SLC4A7: variants seen among roughly 807,000 people sequenced by gnomAD.
SLC4A7 encodes the protein sodium bicarbonate cotransporter 3.
In SLC4A7, 51 loss-of-function variants were observed where a neutral mutation model predicts 137.6. The ratio of observed to expected loss-of-function variants is 0.37; its 90% CI spans 0.30 to 0.47. SLC4A7 has a LOEUF of 0.47. SLC4A7 is among the 20% of genes least tolerant of loss of function. The probability of loss-of-function intolerance (pLI) is 1.00; values close to 1 mark genes in which losing one functional copy is unlikely to be tolerated. For synonymous variants in SLC4A7, 542 were observed against 518.6 expected, an observed-to-expected ratio of 1.05 and a Z score of -0.61; for missense variants, 1,247 against 1,525.4, an observed-to-expected ratio of 0.82 and a Z score of 3.04.
At chr3:27,386,895 G>A (rs1207959378) in intron 22 of SLC4A7, among the ~76,000 whole-genome samples, 4 of 152,080 alleles carry the variant, frequency 2.6e-5, no homozygotes, top group Non-Finnish European at 4.4e-5. Context: ...CAGATAAGGA[G>A]TACAACATTA....
intron 11 of SLC4A7, among the ~76,000 whole-genome samples, chr3:27,412,101 A>C (rs985339040): frequency 1.3e-5 from 2 of 152,204 alleles, no homozygotes; most frequent in Non-Finnish European, 2.9e-5. Context: ...AAAACTTTAA[A>C]AATACTGCTC....
chr3:27,431,565 G>C lies in SLC4A7; in HGVS notation c.883C>G (p.Leu295Val). 6.2e-7 allele frequency: 1 copy of C among 1,614,116 alleles called. No individual in the cohort carries two copies. The highest frequency in any genetic ancestry group is 8.5e-7 in the Non-Finnish European group (1 of 1,180,004). ...SPLSLLLGHL[L>V]PSSRAGTPAG... ...GGGGTTCCAGCTCTTGAAGAAGGAA[G>C]AAGATGACCAAGAAGAAGAGATAAA... is the stretch of plus-strand genomic sequence containing the variant. Residue 295 changes from leucine to valine, a missense_variant, in exon 7 of 26, where the codon CTT becomes GTT. Physicochemically the swap from Leu to Val is conservative, Grantham distance 32 (BLOSUM62 1). Around this residue, in one of 6 missense-constraint regions of SLC4A7, gnomAD observed 223 missense variants for 203.6 expected, o/e 1.10. Coordinates refer to ENST00000454389, the MANE Select transcript of SLC4A7 (RefSeq NM_001321103.2).
chr3:27,387,473 C>T (rs2051092045), intron 22 of SLC4A7, among the ~76,000 whole-genome samples: 1 of 152,042 alleles, frequency 6.6e-6, no homozygotes, highest in Non-Finnish European at 1.5e-5. Flanking sequence ...AATGACACCA[C>T]CCCCCACCCC....
chr3:27,419,403 T>C (rs2054712727), intron 10 of SLC4A7, among the ~76,000 whole-genome samples: 1 of 151,526 alleles, frequency 6.6e-6, no homozygotes, highest in South Asian at 2.1e-4. Flanking sequence ...ACCCCATCTC[T>C]ACTAAAACTA....
chr3:27,425,491 A>G (rs928060857), intron 7 of SLC4A7, among the ~76,000 whole-genome samples: 17 of 151,190 alleles, frequency 1.1e-4, no homozygotes, highest in Admixed American at 6.6e-4. Context: ...AGCCTGACCA[A>G]CATGGAGAAA....
At position 27,480,981 on chromosome 3, in the gene SLC4A7, G is replaced by A. The variant is rs150674231; in HGVS notation, c.60+3086C>T. ...CCTATAGGATATTTAATAAATATGT[G>A]CAAAATGAATAAAATCATAACAAAA... On this transcript the variant is annotated intron_variant, in intron 1 of 25. Coordinates refer to ENST00000454389, the MANE Select transcript of SLC4A7 (RefSeq NM_001321103.2). 3.0e-4 allele frequency among the ~76,000 whole-genome samples: 45 copies of A among 152,172 alleles called. No homozygotes were observed. The East Asian group carries it at 8.5e-3, about 29-fold the overall frequency.
rs886668785 is a variant in SLC4A7 at position 27,372,729 on chromosome 3, A to G, written c.*4035T>C. On this transcript the variant is annotated 3_prime_UTR_variant, in exon 26 of 26. Coordinates refer to ENST00000454389, the MANE Select transcript of SLC4A7 (RefSeq NM_001321103.2). ...AAAGACAATAGCCAACAACTAATTA[A>G]GTAGACTTTTATTGCTCAATCAACT... The G allele has an allele frequency of 1.3e-5, 2 of 152,652 alleles. No homozygotes were observed. Among genetic ancestry groups the G allele is most frequent in the Non-Finnish European group, 2.9e-5 (2 of 68,034 alleles). The allele number at this position is 152,652 out of a possible 1,614,324, so 9.5% of individuals were successfully genotyped here. A position where few individuals can be genotyped will look rare whatever the true frequency, so the allele number is the denominator to read the frequency against.
At chr3:27,461,208 G>GCGCACACACA (rs915786613) in intron 1 of SLC4A7, among the ~76,000 whole-genome samples, 1 of 149,880 alleles carries the variant, frequency 6.7e-6, no homozygotes, top group African/African-American at 2.5e-5. Flanking sequence ...CATCCAATTA[G>GCGCACACACA]CACACACACA....
At chr3:27,384,168 A>T (rs909742503) in intron 23 of SLC4A7, among the ~76,000 whole-genome samples, 3 of 152,140 alleles carry the variant, frequency 2.0e-5, no homozygotes, top group Admixed American at 2.0e-4. Flanking sequence ...TAGATCCTAA[A>T]AACAAACAAA....
chr3:27,454,707 C>T (rs77770788), intron 1 of SLC4A7, among the ~76,000 whole-genome samples: 1 of 152,240 alleles, frequency 6.6e-6, no homozygotes, highest in African/African-American at 2.4e-5. Flanking sequence ...AAAAGATAAG[C>T]TCTCCTAAGT....
Position 27,383,146 on chromosome 3 carries a change from A to G in SLC4A7, c.3590+7T>C. ...TAAAAGTTTTAGAGCATAAAGTCAT[A>G]TCTCACCTATATTTTAGGGCCTTGA... On this transcript the variant is annotated splice_region_variant and intron_variant, in intron 24 of 25. Coordinates refer to ENST00000454389, the MANE Select transcript of SLC4A7 (RefSeq NM_001321103.2). The G allele has an allele frequency of 6.4e-7, 1 of 1,560,956 alleles. No individual in the cohort carries two copies.
intron 1 of SLC4A7, among the ~76,000 whole-genome samples, chr3:27,479,068 G>T (rs543297085): frequency 6.6e-6 from 1 of 151,732 alleles, no homozygotes; most frequent in South Asian, 2.1e-4. Flanking sequence ...ATCAGCGCCA[G>T]ATAAAATGCA....
In SLC4A7 at chr3:27,389,247, GTTTT is replaced by G. The variant is rs140595184; in HGVS notation, c.3360+680_3360+683del. Among the ~76,000 whole-genome samples the G allele has an allele frequency of 1.4e-3, 216 of 152,100 alleles. 5 individuals carry two copies. The East Asian group carries it at 0.035, about 25-fold the overall frequency. Reference sequence around the variant, plus strand: ...TTCTCTCTTTCAATACCTCTAGATGGTTTTTTAACTGTTTTCTATTCAGAAATTA... The same window carrying G: ...TTCTCTCTTTCAATACCTCTAGATGGTTAACTGTTTTCTATTCAGAAATTA... On this transcript the variant is annotated intron_variant, in intron 22 of 25. Coordinates refer to ENST00000454389, the MANE Select transcript of SLC4A7 (RefSeq NM_001321103.2).
At chr3:27,470,641 TAAA>T (rs35093803) in intron 1 of SLC4A7, among the ~76,000 whole-genome samples, 1 of 115,722 alleles carries the variant, frequency 8.6e-6, no homozygotes, top group Non-Finnish European at 1.8e-5. Flanking sequence ...GCTCCAACTT[TAAA>T]AAAAAAAAAA....
At chr3:27,449,974 C>G (rs1344466250) in intron 2 of SLC4A7, among the ~76,000 whole-genome samples, 1 of 152,160 alleles carries the variant, frequency 6.6e-6, no homozygotes, top group Non-Finnish European at 1.5e-5. Context: ...TGCTGACTCA[C>G]TAACATTTAC....
intron 21 of SLC4A7, among the ~76,000 whole-genome samples, chr3:27,391,077 G>A (rs1394209542): frequency 6.6e-6 from 1 of 152,126 alleles, no homozygotes; most frequent in African/African-American, 2.4e-5. Flanking sequence ...CCTGCCTCAG[G>A]CTTTCAGAGT....
Position 27,484,106 on chromosome 3 carries a change from G to T in SLC4A7, c.21C>A (p.Gly7=), listed in dbSNP as rs2059841018. The change falls in exon 1 of 26, where the codon GGC becomes GGA. Residue 7 remains glycine (G), a synonymous_variant. Transcript: ENST00000454389. ...GGGTGAGTAGCGGTCTCATCTGCTC[G>T]CCGGCCCCATCAGCCTCCATGGCCG... The part of the protein sequence containing the change: MEADGA[G]EQMRPLLTRV... 1.8e-5 allele frequency: 25 copies of T among 1,396,202 alleles called. No individual in the cohort carries two copies. The highest frequency in any genetic ancestry group is 2.2e-5 in the Non-Finnish European group (24 of 1,070,054). The allele number at this position is 1,396,202 out of a possible 1,614,324, so 86.5% of individuals were successfully genotyped here.
chr3:27,434,819 T>C (rs984658105), intron 5 of SLC4A7, among the ~76,000 whole-genome samples: 2 of 152,052 alleles, frequency 1.3e-5, no homozygotes, highest in Non-Finnish European at 2.9e-5. Context: ...TTTTCAAAAC[T>C]ACATGGTTAC....
rs1279312169 is a variant in SLC4A7, at chr3:27,431,640, A to T, written c.808T>A (p.Leu270Met). The T allele has an allele frequency of 1.9e-6, 3 of 1,597,062 alleles. No homozygotes were observed. The African/African-American group carries it at 4.0e-5, about 21-fold the overall frequency. ...TTTGAGGCAGACAGACCTGTTCGCA[A>T]AGAGTGGCGGGAGGCTGAAAGGCCT... ...GEGLSASRHS[L>M]RTGLSASNLS... Residue 270 changes from leucine (L) to methionine (M), a missense_variant, in exon 7 of 26, where the codon TTG becomes ATG. Transcript: ENST00000454389.
Sources: gnomAD v4.1 joint callset for allele counts (sites outside exome capture counted in the v4.1 genomes callset) on GRCh38, gnomAD v4.1.1 for gene constraint, gnomAD v4.1.1 regional missense constraint, MANE v1.5 for transcripts, NCBI Gene and HGNC (gene_info 2026-07-23, HGNC 2026-07-21) for gene names.